Variants in PTPN12 observed in about 807,000 individuals in gnomAD.
PTPN12 encodes the protein protein tyrosine phosphatase non-receptor type 12, also known as tyrosine-protein phosphatase non-receptor type 12.
A neutral mutation model predicts 97.6 loss-of-function variants in PTPN12; 29 were observed. The observed-to-expected ratio is 0.30, with a 90% CI of 0.22 to 0.41. The LOEUF (loss-of-function observed/expected upper bound fraction) is 0.41, where lower values mean the gene tolerates loss of function less well. Among genes scored for constraint, PTPN12 ranks in the 10% least tolerant of loss-of-function variants. The probability of loss-of-function intolerance (pLI) is 1.00; values close to 1 mark genes in which losing one functional copy is unlikely to be tolerated. For synonymous variants in PTPN12, 327 were observed against 300.4 expected (o/e 1.09, Z -0.91); for missense variants, 819 against 926.0 (o/e 0.88, Z 1.50).
At position 77,597,248 on chromosome 7, in the gene PTPN12, T is replaced by C. The variant is rs1477981633; in HGVS notation, c.493-594T>C. ...AAGCAATTCTACTGCCTCAACCTCC[T>C]GAGTAGCTGGGATTACAGGTGCGCG... On this transcript the variant is annotated intron_variant, in intron 6 of 17. Transcript: ENST00000248594. Among the ~76,000 whole-genome samples the C allele has an allele frequency of 2.0e-5, 3 of 152,104 alleles. No individual in the cohort carries two copies. The East Asian group carries it at 5.8e-4, about 29-fold the overall frequency.
intron 1 of PTPN12, among the ~76,000 whole-genome samples, chr7:77,563,648 G>T (rs1808095280): frequency 6.6e-6 from 1 of 152,122 alleles, no homozygotes; most frequent in African/African-American, 2.4e-5. Context: ...AGACTCATAA[G>T]ACTGGCCCTG....
intron 9 of PTPN12, among the ~76,000 whole-genome samples, chr7:77,609,450 T>G (rs1391816985): frequency 6.6e-6 from 1 of 151,450 alleles, no homozygotes; most frequent in Non-Finnish European, 1.5e-5. Context: ...TTTTGTATTT[T>G]TAGTAGAGAT....
At chr7:77,629,709 A>T (rs753491548) in intron 13 of PTPN12, among the ~76,000 whole-genome samples, 8 of 152,126 alleles carry the variant, frequency 5.3e-5, no homozygotes, top group Non-Finnish European at 1.2e-4. Flanking sequence ...TGGGAGGCTG[A>T]GGCAGGAAGT....
At chr7:77,540,255 A>G (rs1157463220) in intron 1 of PTPN12, among the ~76,000 whole-genome samples, 1 of 123,020 alleles carries the variant, frequency 8.1e-6, no homozygotes, top group African/African-American at 3.5e-5. Flanking sequence ...TTTTTTTTTG[A>G]GATGTAACAC....
At chr7:77,596,485 A>G (rs1788026716) in intron 6 of PTPN12, among the ~76,000 whole-genome samples, 2 of 152,192 alleles carry the variant, frequency 1.3e-5, no homozygotes, top group Non-Finnish European at 2.9e-5. Context: ...AGCTCACTAT[A>G]TAGCCTTGGC....
chr7:77,590,546 A>G (rs888416561), intron 5 of PTPN12, among the ~76,000 whole-genome samples: 1 of 147,226 alleles, frequency 6.8e-6, no homozygotes, highest in Non-Finnish European at 1.5e-5. Context: ...CCCCATCTCT[A>G]TTTTTTTTAA....
chr7:77,604,209 C>CTTTTTTTTTTTTTTTTTTTTTTTTTTTT (rs71082768), intron 8 of PTPN12, among the ~76,000 whole-genome samples: 2 of 52,790 alleles, frequency 3.8e-5, no homozygotes, highest in Admixed American at 3.4e-4. Context: ...TTTTTTCTTC[C>CTTTTTTTTTTTTTTTTTTTTTTTTTTTT]TTTTTTTTTT....
chr7:77,638,562 A>C, intron 16 of PTPN12, 62 bp from the exon 17 acceptor site: 3 of 1,404,502 alleles, frequency 2.1e-6, no homozygotes, highest in Non-Finnish European at 2.8e-6. Context: ...AAAATTAAAG[A>C]GTTATATATA....
At chr7:77,560,717 A>G (rs1474442237) in intron 1 of PTPN12, among the ~76,000 whole-genome samples, 3 of 152,090 alleles carry the variant, frequency 2.0e-5, no homozygotes, top group Non-Finnish European at 4.4e-5. Context: ...ATGTTGTAGT[A>G]TGTGTCAAAA....
intron 5 of PTPN12, among the ~76,000 whole-genome samples, chr7:77,587,288 G>T (rs1055598181): frequency 6.6e-6 from 1 of 152,140 alleles, no homozygotes; most frequent in African/African-American, 2.4e-5. Flanking sequence ...AATGGATGTT[G>T]TATTAGCAGG....
chr7:77,625,830 A>C (rs777180059), intron 12 of PTPN12, among the ~76,000 whole-genome samples: 20 of 151,816 alleles, frequency 1.3e-4, no homozygotes, highest in Non-Finnish European at 1.9e-4. Flanking sequence ...TTGGCCTCCC[A>C]AAGTGCTGGG....
At chr7:77,538,058 G>C in intron 1 of PTPN12, 1 of 999,662 alleles carries the variant, frequency 1.0e-6, no homozygotes, top group Non-Finnish European at 1.2e-6. Flanking sequence ...ATCTGGCTGT[G>C]ACCGGGAGGA....
chr7:77,633,986 G>A (rs1230037946), intron 14 of PTPN12, among the ~76,000 whole-genome samples: 2 of 152,030 alleles, frequency 1.3e-5, no homozygotes, highest in African/African-American at 4.8e-5. Flanking sequence ...CCACGCCATT[G>A]CATTCCAGCC....
At chr7:77,574,489 G>A (rs1787274507) in intron 2 of PTPN12, among the ~76,000 whole-genome samples, 1 of 152,210 alleles carries the variant, frequency 6.6e-6, no homozygotes, top group Non-Finnish European at 1.5e-5. Context: ...CGGTTTTAAA[G>A]CCTTCACTAG....
chr7:77,636,043 G>A (rs747420600), intron 15 of PTPN12, among the ~76,000 whole-genome samples, 194 bp downstream of exon 15: 1 of 152,062 alleles, frequency 6.6e-6, no homozygotes, highest in Non-Finnish European at 1.5e-5. Flanking sequence ...TTTTAAAAGG[G>A]TAACCTGATC....
intron 1 of PTPN12, among the ~76,000 whole-genome samples, chr7:77,564,746 G>GTGTTTTTTTTTTTTTTTTTT (rs1808163614): frequency 4.4e-5 from 2 of 45,370 alleles, no homozygotes; most frequent in East Asian, 1.6e-3. Flanking sequence ...TTGTTGTCGT[G>GTGTTTTTTTTTTTTTTTTTT]TTTTTTTTTT....
chr7:77,638,899 G>A, intron 17 of PTPN12, 168 bp downstream of exon 17: 2 of 1,178,454 alleles, frequency 1.7e-6, no homozygotes, highest in Admixed American at 3.7e-5. Flanking sequence ...TTCACATTGA[G>A]ATTAAAAACT....
chr7:77,614,684 T>C (rs1261806616), intron 11 of PTPN12, among the ~76,000 whole-genome samples: 13 of 152,194 alleles, frequency 8.5e-5, no homozygotes, highest in Admixed American at 4.6e-4. Flanking sequence ...TTTTATAGGA[T>C]GGCTGTCTGT....
chr7:77,627,380 T>A lies in PTPN12; in HGVS notation c.1701T>A (p.Ser567Arg). 6.2e-7 allele frequency: 1 copy of A among 1,614,006 alleles called. No individual in the cohort carries two copies. The change falls in exon 13 of 18, where the codon AGT becomes AGA. Residue 567 changes from serine (S) to arginine (R), a missense_variant. This residue lies in a region of PTPN12 where 607 missense variants were observed against 577.3 expected (regional missense o/e 1.05). Transcript: ENST00000248594. ...DINYQTRKTV[S>R]LTPSPTTQVE... ...ACTATCAAACTAGGAAAACTGTGAGTTTAACACCAAGTCCTACAACACAAG... is the reference window on the plus strand; with the variant it reads ...ACTATCAAACTAGGAAAACTGTGAGATTAACACCAAGTCCTACAACACAAG...
Sources: gnomAD v4.1 joint callset for allele counts (sites outside exome capture counted in the v4.1 genomes callset) on GRCh38, gnomAD v4.1.1 for gene constraint, gnomAD v4.1.1 regional missense constraint, MANE v1.5 for transcripts, NCBI Gene and HGNC (gene_info 2026-07-23, HGNC 2026-07-21) for gene names.